The following PARD6G variants were observed in gnomAD, a reference collection of about 807,000 sequenced individuals.
PARD6G encodes the protein par-6 family cell polarity regulator gamma.
In PARD6G, 7 loss-of-function variants were observed where a neutral mutation model predicts 10.7. The ratio of observed to expected loss-of-function variants is 0.66; its 90% CI spans 0.37 to 1.23. PARD6G has a LOEUF of 1.23. Among genes scored for constraint, PARD6G ranks in the 50% most tolerant of loss-of-function variants. The pLI is 0.02. For missense variants in PARD6G, 548 were observed against 571.8 expected, an observed-to-expected ratio of 0.96 and a Z score of 0.42; for synonymous variants, 287 against 269.4, an observed-to-expected ratio of 1.07 and a Z score of -0.64.
Position 80,228,404 on chromosome 18 carries a change from C to T in PARD6G, c.72+18873G>A, listed in dbSNP as rs575766790. Among the ~76,000 whole-genome samples the T allele has an allele frequency of 6.6e-6, 1 of 152,284 alleles. No homozygotes were observed. The highest frequency in any genetic ancestry group is 1.9e-4 in the East Asian group (1 of 5,174). On this transcript the variant is annotated intron_variant, in intron 1 of 2. Coordinates refer to ENST00000353265, the MANE Select transcript of PARD6G (RefSeq NM_032510.4). The surrounding 1 kb of genome is among the most constrained non-coding windows in gnomAD (Gnocchi z 4.6). ...AGGTCCCTCTACATTGACCCCCAGC[C>T]TCCTCAATCAGCTCTGCTGGGTGAG...
Position 80,247,178 on chromosome 18 carries a change from C to A in PARD6G, c.72+99G>T, listed in dbSNP as rs1599882724. The stretch of plus-strand genomic sequence containing the variant: ...CCGAACTGGAAAGTTGTCGCCGGCG[C>A]CTGTCGCCTCCACGCCGCCCCAGTC... On this transcript the variant is annotated intron_variant, in intron 1 of 2. Coordinates refer to ENST00000353265, the MANE Select transcript of PARD6G (RefSeq NM_032510.4). The surrounding 1 kb of genome is among the most constrained non-coding windows in gnomAD (Gnocchi z 4.2). The A allele has an allele frequency of 3.2e-6, 3 of 942,716 alleles. No individual in the cohort carries two copies. In the East Asian group the frequency reaches 1.0e-4, roughly 32 times the overall value. 58.4% of individuals were successfully genotyped at this position (942,716 alleles called of 1,614,324 possible).
intron 2 of PARD6G, among the ~76,000 whole-genome samples, chr18:80,195,572 T>TATGTATATATATATATATATAC (rs894731117): frequency 3.4e-5 from 3 of 87,338 alleles, no homozygotes; most frequent in African/African-American, 5.9e-5. Flanking sequence ...TATATATATA[T>TATGTATATATATATATATATAC]ACACACATTT....
Position 80,158,279 on chromosome 18 carries a change from A to C in PARD6G, c.*1492T>G, listed in dbSNP as rs1479202466. 1 of 152,232 alleles carries C rather than the reference A, an allele frequency of 6.6e-6. No homozygotes were observed. Among genetic ancestry groups the C allele is most frequent in the African/African-American group, 2.4e-5 (1 of 41,464 alleles). 9.4% of individuals were successfully genotyped at this position (152,232 alleles called of 1,614,324 possible). ...GCATGTATTGTGACTTACTAAAAGA[A>C]ACGTCTGTTTCAGAAAACAAAGATG... On this transcript the variant is annotated 3_prime_UTR_variant, in exon 3 of 3. Coordinates refer to ENST00000353265, the MANE Select transcript of PARD6G (RefSeq NM_032510.4).
chr18:80,202,689 G>A (rs1374353798), intron 2 of PARD6G, 21 bp downstream of exon 2: 1 of 1,593,658 alleles, frequency 6.3e-7, no homozygotes, highest in East Asian at 2.2e-5. Flanking sequence ...AGACCAGCCG[G>A]CCACTCAACC....
rs1599858599 is a variant in PARD6G at position 80,192,558 on chromosome 18, G to A, written c.295+10152C>T. On this transcript the variant is annotated intron_variant, in intron 2 of 2. Coordinates refer to ENST00000353265, the MANE Select transcript of PARD6G (RefSeq NM_032510.4). The surrounding 1 kb of genome is among the most constrained non-coding windows in gnomAD (Gnocchi z 4.9). ...GCCCAGGGGATGGGGGAGAGCAGGT[G>A]CCACGGCGGGAGCCTGAAGCTCCAC... is the stretch of plus-strand genomic sequence containing the variant. 6.6e-6 allele frequency among the ~76,000 whole-genome samples: 1 copy of A among 152,058 alleles called. No individual in the cohort carries two copies. The highest frequency in any genetic ancestry group is 2.4e-5 in the African/African-American group (1 of 41,392).
intron 2 of PARD6G, among the ~76,000 whole-genome samples, chr18:80,178,648 C>T (rs1314391923): frequency 1.3e-5 from 2 of 152,224 alleles, no homozygotes; most frequent in Non-Finnish European, 2.9e-5. Context: ...CGCCGACTCT[C>T]ACCCCAGATG....
In PARD6G at chr18:80,180,450, G is replaced by T. The variant is rs1353713589; in HGVS notation, c.296-19844C>A. Among the ~76,000 whole-genome samples the T allele has an allele frequency of 3.9e-5, 6 of 152,176 alleles. No homozygotes were observed. The highest frequency in any genetic ancestry group is 1.4e-4 in the African/African-American group (6 of 41,448). On this transcript the variant is annotated intron_variant, in intron 2 of 2. Transcript: ENST00000353265. This position sits in a 1 kb window ranked among gnomAD's most constrained non-coding sequence, Gnocchi z 5.6. Reference sequence around the variant, plus strand: ...GAGGCTCCCAGGCTACACTGGAGGAGGCTCTGCTCCATGGTGTACACCCCC... The same window carrying T: ...GAGGCTCCCAGGCTACACTGGAGGATGCTCTGCTCCATGGTGTACACCCCC...
intron 1 of PARD6G, among the ~76,000 whole-genome samples, chr18:80,225,378 C>T (rs944566254): frequency 3.3e-5 from 5 of 152,144 alleles, no homozygotes; most frequent in African/African-American, 1.2e-4. Context: ...GGCCCATTGC[C>T]ATGTTAAAGT....
In PARD6G at chr18:80,159,437, A is replaced by G. The variant is rs1213774859; in HGVS notation, c.*334T>C. ...TGAATTTGACTATTTTAAAAAAGTA[A>G]TTTTAAAGCTTCACTTTAAAAACAA... is the stretch of plus-strand genomic sequence containing the variant. On this transcript the variant is annotated 3_prime_UTR_variant, in exon 3 of 3. Transcript: ENST00000353265. 1 of 232,558 alleles carries G rather than the reference A, an allele frequency of 4.3e-6. No homozygotes were observed. The highest frequency in any genetic ancestry group is 8.2e-6 in the Non-Finnish European group (1 of 121,936). The allele number at this position is 232,558 out of a possible 1,614,324, so 14.4% of individuals were successfully genotyped here. A position where few individuals can be genotyped will look rare whatever the true frequency, so the allele number is the denominator to read the frequency against.
At chr18:80,198,563 G>GT (rs1286769561) in intron 2 of PARD6G, among the ~76,000 whole-genome samples, 1 of 152,196 alleles carries the variant, frequency 6.6e-6, no homozygotes, top group Non-Finnish European at 1.5e-5. Context: ...GCTGTGCTGA[G>GT]TGCCTTCCCA....
In PARD6G at chr18:80,161,140, C is replaced by T. The variant is rs1384169390; in HGVS notation, c.296-534G>A. Among the ~76,000 whole-genome samples the T allele has an allele frequency of 6.6e-6, 1 of 152,138 alleles. No individual in the cohort carries two copies. The highest frequency in any genetic ancestry group is 1.9e-4 in the East Asian group (1 of 5,186). ...AAGGCCCCTGAATGTGTCACTCAGTCGGGCGTGTGAGCATTTCCCTGCGTT... is the reference window on the plus strand; with the variant it reads ...AAGGCCCCTGAATGTGTCACTCAGTTGGGCGTGTGAGCATTTCCCTGCGTT... On this transcript the variant is annotated intron_variant, in intron 2 of 2. Transcript: ENST00000353265. This position sits in a 1 kb window ranked among gnomAD's most constrained non-coding sequence, Gnocchi z 4.6.
At chr18:80,199,223 C>T (rs989882400) in intron 2 of PARD6G, among the ~76,000 whole-genome samples, 1 of 152,224 alleles carries the variant, frequency 6.6e-6, no homozygotes, top group Non-Finnish European at 1.5e-5. Context: ...TTCATCAATA[C>T]ACAGTCCTTG....
intron 1 of PARD6G, among the ~76,000 whole-genome samples, chr18:80,232,479 G>A (rs1445092168): frequency 1.3e-5 from 2 of 152,068 alleles, no homozygotes; most frequent in African/African-American, 2.4e-5. Context: ...GAGGTGAAAG[G>A]CACTTCTTAC....
chr18:80,182,684 T>C lies in PARD6G; in HGVS notation c.295+20026A>G, dbSNP rs545639691. On this transcript the variant is annotated intron_variant, in intron 2 of 2. Transcript: ENST00000353265. The surrounding 1 kb of genome is among the most constrained non-coding windows in gnomAD (Gnocchi z 4.5). ...CAAGTCCAACAGACACCCTTTCCAG[T>C]CACCTAGACATCACCTGGGTGTTGA... Among the ~76,000 whole-genome samples the C allele has an allele frequency of 2.1e-4, 32 of 152,346 alleles. No individual in the cohort carries two copies. The East Asian group carries it at 5.8e-3, about 27-fold the overall frequency.
intron 2 of PARD6G, among the ~76,000 whole-genome samples, chr18:80,176,736 C>T (rs544141333): frequency 6.6e-6 from 1 of 152,312 alleles, no homozygotes; most frequent in South Asian, 2.1e-4. Context: ...GAGCTCCCGA[C>T]AGGGCAAACA....
rs1426085867 is a variant in PARD6G at position 80,160,272 on chromosome 18, C to T, written c.630G>A (p.Leu210=). ...CCTCCAGGACCTCGTCATTCACAGC[C>T]AGCAGCCCGGTGCTCTCCGCCAGGC... ...PGGLAESTGL[L]AVNDEVLEVN... The change falls in exon 3 of 3, where the codon CTG becomes CTA. Residue 210 remains leucine, a synonymous_variant. Coordinates refer to ENST00000353265, the MANE Select transcript of PARD6G (RefSeq NM_032510.4). 2 of 1,612,562 alleles carry T rather than the reference C, an allele frequency of 1.2e-6. No homozygotes were observed. The highest frequency in any genetic ancestry group is 2.2e-5 in the South Asian group (2 of 91,072).
At chr18:80,205,042 A>C (rs932462942) in intron 1 of PARD6G, among the ~76,000 whole-genome samples, 2 of 152,154 alleles carry the variant, frequency 1.3e-5, no homozygotes, top group African/African-American at 4.8e-5. Context: ...CATACTCAGT[A>C]AGGGAAGAAG....
chr18:80,187,722 G>A (rs1282277576), intron 2 of PARD6G: 1 of 152,144 alleles, frequency 6.6e-6, no homozygotes, highest in African/African-American at 2.4e-5. Context: ...CTGACCTGAT[G>A]CTTTGCAGGG....
rs539344150 is a variant in PARD6G, at chr18:80,165,540, G to A, written c.296-4934C>T. Among the ~76,000 whole-genome samples, 19 of 129,228 alleles carry A rather than the reference G, an allele frequency of 1.5e-4. No homozygotes were observed. The South Asian group carries it at 4.5e-3, about 31-fold the overall frequency. 84.8% of individuals were successfully genotyped at this position (129,228 alleles called of 152,430 possible). Reference sequence around the variant, plus strand: ...GAGGTGACGTATATCCTCAGCTTACGAAGATAACAGGATTAAGAGATTAAA... The same window carrying A: ...GAGGTGACGTATATCCTCAGCTTACAAAGATAACAGGATTAAGAGATTAAA... On this transcript the variant is annotated intron_variant, in intron 2 of 2. Coordinates refer to ENST00000353265, the MANE Select transcript of PARD6G (RefSeq NM_032510.4).
Sources: gnomAD v4.1 joint callset for allele counts (sites outside exome capture counted in the v4.1 genomes callset) on GRCh38, gnomAD v4.1.1 for gene constraint, Gnocchi (gnomAD v3.1) non-coding constraint, MANE v1.5 for transcripts, NCBI Gene and HGNC (gene_info 2026-07-23, HGNC 2026-07-21) for gene names.